The following ATP10A variants were observed in gnomAD, a reference collection of about 807,000 sequenced individuals.
The protein encoded by ATP10A is ATPase phospholipid transporting 10A (putative), also known as phospholipid-transporting ATPase VA.
Under a neutral mutation model 147.8 loss-of-function variants are expected in ATP10A, and 111 were observed. The observed-to-expected ratio is 0.75, with a 90% CI of 0.64 to 0.88. ATP10A has a LOEUF of 0.88. Among genes scored for constraint, ATP10A ranks in the 40% least tolerant of loss-of-function variants. The pLI is 0.00. For synonymous variants in ATP10A, 875 were observed against 841.6 expected (o/e 1.04, Z -0.69); for missense variants, 1,927 against 1,959.0 (o/e 0.98, Z 0.31).
intron 1 of ATP10A, among the ~76,000 whole-genome samples, chr15:25,796,604 C>T (rs576788055): frequency 6.0e-4 from 91 of 152,214 alleles, no homozygotes; most frequent in Non-Finnish European, 2.1e-4. Context: ...CACCTCACAA[C>T]GTGGCTTCTT....
At chr15:25,858,352 G>C (rs75262153) in intron 1 of ATP10A, among the ~76,000 whole-genome samples, 5,941 of 152,148 alleles carry the variant, frequency 0.039, 227 homozygotes, top group South Asian at 0.2. Context: ...TAAGAGGGAG[G>C]GATGGAGGGA....
chr15:25,715,198 G>C (rs1225295448), intron 9 of ATP10A, among the ~76,000 whole-genome samples: 2 of 152,208 alleles, frequency 1.3e-5, no homozygotes, highest in Non-Finnish European at 2.9e-5. Flanking sequence ...GTAAAGCAAG[G>C]TGCATAGAGC....
intron 2 of ATP10A, among the ~76,000 whole-genome samples, chr15:25,751,971 TCCTA>T (rs142353829): frequency 0.07 from 10,619 of 152,178 alleles, 877 homozygotes; most frequent in Admixed American, 0.19. Flanking sequence ...AGATTTGCTA[TCCTA>T]CCTGTCAGAA....
chr15:25,847,882 T>C (rs1393924202), intron 1 of ATP10A, among the ~76,000 whole-genome samples: 2 of 152,124 alleles, frequency 1.3e-5, no homozygotes, highest in Non-Finnish European at 2.9e-5. Flanking sequence ...TCCACCCACC[T>C]TGGCCTCCCA....
chr15:25,721,399 G>A (rs900119207), intron 7 of ATP10A, among the ~76,000 whole-genome samples: 21 of 152,202 alleles, frequency 1.4e-4, no homozygotes, highest in Middle Eastern at 3.2e-3. Flanking sequence ...TTGCTTAGGC[G>A]GATGCCTGGC....
intron 1 of ATP10A, among the ~76,000 whole-genome samples, chr15:25,844,021 C>A (rs1892918613): frequency 2.0e-5 from 3 of 152,114 alleles, no homozygotes; most frequent in African/African-American, 4.8e-5. Context: ...TACCTGTGTT[C>A]AAGACAAATC....
At chr15:25,741,310 T>C (rs1300347136) in intron 2 of ATP10A, among the ~76,000 whole-genome samples, 1 of 152,162 alleles carries the variant, frequency 6.6e-6, no homozygotes, top group Non-Finnish European at 1.5e-5. Context: ...CAGAACTCCG[T>C]GCTGGGCTCT....
intron 1 of ATP10A, among the ~76,000 whole-genome samples, chr15:25,799,191 T>C (rs548991078): frequency 6.6e-6 from 1 of 152,190 alleles, no homozygotes; most frequent in Non-Finnish European, 1.5e-5. Context: ...TCACACAGAC[T>C]TCCCTGATGG....
chr15:25,777,092 C>CGTGTGTGTGTGTGT lies in ATP10A; in HGVS notation c.654+3926_654+3927insACACACACACACAC, dbSNP rs1555468151. On this transcript the variant is annotated intron_variant, in intron 2 of 20. Coordinates refer to ENST00000555815, the MANE Select transcript of ATP10A (RefSeq NM_024490.4). The stretch of plus-strand genomic sequence containing the variant: ...GTGTGTGCATGCGTGTGTGTGCATA[C>CGTGTGTGTGTGTGT]GTGCGTGTGTGTGTGTGTGTGTGTG... Among the ~76,000 whole-genome samples, 5 of 92,062 alleles carry CGTGTGTGTGTGTGT rather than the reference C, an allele frequency of 5.4e-5. No individual in the cohort carries two copies. In the Admixed American group the frequency reaches 5.5e-4, roughly 10 times the overall value. The allele number at this position is 92,062 out of a possible 152,430, so 60.4% of individuals were successfully genotyped here.
At chr15:25,804,786 A>T (rs1037222361) in intron 1 of ATP10A, among the ~76,000 whole-genome samples, 1 of 152,220 alleles carries the variant, frequency 6.6e-6, no homozygotes, top group Non-Finnish European at 1.5e-5. Flanking sequence ...AGCACAAAGT[A>T]GGCCTTTGCT....
intron 1 of ATP10A, among the ~76,000 whole-genome samples, chr15:25,859,420 G>A (rs1893657401): frequency 6.6e-6 from 1 of 152,166 alleles, no homozygotes. Flanking sequence ...TCCCACCCGG[G>A]GCTGTGGGAA....
chr15:25,726,097 A>G lies in ATP10A; in HGVS notation c.848-15T>C, dbSNP rs759748717. 21 of 1,611,726 alleles carry G rather than the reference A, an allele frequency of 1.3e-5. 1 individual carries two copies. The Admixed American group carries it at 3.5e-4, about 27-fold the overall frequency. On this transcript the variant is annotated splice_polypyrimidine_tract_variant and intron_variant, in intron 4 of 20. Transcript: ENST00000555815. ...GGTTTCATGTCCTGTCGGGGAGGAC[A>G]AAGAGACATGGCAAGTCAGAGACTG...
At position 25,767,196 on chromosome 15, in the gene ATP10A, TG is replaced by T. The variant is rs1239390535; in HGVS notation, c.654+13822del. Reference sequence around the variant, plus strand: ...AGCCTGAGAGTGCCAAGGTTAGAACTGCAATTTTGGTGCATCATTCTGGCAG... The same window carrying T: ...AGCCTGAGAGTGCCAAGGTTAGAACTCAATTTTGGTGCATCATTCTGGCAG... On this transcript the variant is annotated intron_variant, in intron 2 of 20. Coordinates refer to ENST00000555815, the MANE Select transcript of ATP10A (RefSeq NM_024490.4). Among the ~76,000 whole-genome samples the T allele has an allele frequency of 2.6e-5, 4 of 152,348 alleles. No homozygotes were observed. In the East Asian group the frequency reaches 7.7e-4, roughly 29 times the overall value.
At chr15:25,797,582 T>A (rs991614856) in intron 1 of ATP10A, among the ~76,000 whole-genome samples, 5 of 152,232 alleles carry the variant, frequency 3.3e-5, no homozygotes, top group African/African-American at 1.2e-4. Flanking sequence ...TGACACGCTC[T>A]GGGCTCCAGG....
chr15:25,773,742 G>T (rs908165484), intron 2 of ATP10A, among the ~76,000 whole-genome samples: 6 of 151,926 alleles, frequency 3.9e-5, no homozygotes, highest in African/African-American at 1.5e-4. Flanking sequence ...ACACTTACTT[G>T]CACACTCACT....
chr15:25,728,150 C>T (rs1350917478), intron 3 of ATP10A, among the ~76,000 whole-genome samples: 1 of 152,226 alleles, frequency 6.6e-6, no homozygotes, highest in Non-Finnish European at 1.5e-5. Flanking sequence ...CCCACACTCT[C>T]AAGCCCACAT....
intron 1 of ATP10A, among the ~76,000 whole-genome samples, chr15:25,837,487 C>T (rs1204928264): frequency 2.0e-5 from 3 of 152,084 alleles, no homozygotes; most frequent in South Asian, 4.1e-4. Flanking sequence ...AGGCTCCCGG[C>T]GCAGGGAGTG....
intron 1 of ATP10A, among the ~76,000 whole-genome samples, chr15:25,803,901 T>A (rs934422455): frequency 5.9e-5 from 9 of 152,240 alleles, no homozygotes; most frequent in Admixed American, 5.9e-4. Flanking sequence ...TCTGCCTGTG[T>A]ATTGCTTCAC....
intron 9 of ATP10A, among the ~76,000 whole-genome samples, chr15:25,715,512 A>G (rs1185191036): frequency 6.6e-6 from 1 of 152,270 alleles, no homozygotes; most frequent in East Asian, 1.9e-4. Flanking sequence ...GTCAGGGTCT[A>G]GCCCAGAAAA....
Sources: gnomAD v4.1 joint callset for allele counts (sites outside exome capture counted in the v4.1 genomes callset) on GRCh38, gnomAD v4.1.1 for gene constraint, MANE v1.5 for transcripts, NCBI Gene and HGNC (gene_info 2026-07-23, HGNC 2026-07-21) for gene names.